The following AUTS2 variants were observed in gnomAD, a reference collection of about 807,000 sequenced individuals.
AUTS2 encodes the protein autism susceptibility gene 2 protein.
In AUTS2, 17 loss-of-function variants were observed where a neutral mutation model predicts 112.4. That is an observed-to-expected ratio of 0.15 (90% CI 0.10 to 0.23). AUTS2 has a LOEUF of 0.23. Ranked by LOEUF, AUTS2 falls within the 10% of genes least tolerant of loss-of-function variation. The pLI is 1.00. For missense variants in AUTS2, 1,510 were observed against 1,701.6 expected, an observed-to-expected ratio of 0.89 and a Z score of 1.98; for synonymous variants, 751 against 702.7, an observed-to-expected ratio of 1.07 and a Z score of -1.09.
chr7:69,844,025 A>C (rs1438439637), intron 1 of AUTS2, among the ~76,000 whole-genome samples: 1 of 152,140 alleles, frequency 6.6e-6, no homozygotes, highest in Non-Finnish European at 1.5e-5. Flanking sequence ...AATAAGGAAA[A>C]ATTCACATAC....
intron 2 of AUTS2, among the ~76,000 whole-genome samples, chr7:70,110,594 C>A (rs569783938): frequency 6.6e-6 from 1 of 152,214 alleles, no homozygotes; most frequent in Admixed American, 6.5e-5. Flanking sequence ...CACTGAACCC[C>A]TTTAAATAAT....
intron 5 of AUTS2, among the ~76,000 whole-genome samples, chr7:70,595,911 C>G (rs939288774): frequency 7.0e-4 from 106 of 152,184 alleles, no homozygotes; most frequent in African/African-American, 2.5e-3. Context: ...GCGGCCCTCC[C>G]CGCCCCGTGC....
intron 2 of AUTS2, among the ~76,000 whole-genome samples, chr7:69,952,558 A>C (rs1797067369): frequency 6.6e-6 from 1 of 152,136 alleles, no homozygotes; most frequent in African/African-American, 2.4e-5. Context: ...AAGTTGTGTG[A>C]CTTTGGGCAT....
At chr7:70,786,286 A>AAAGT (rs1198688499) in intron 17 of AUTS2, among the ~76,000 whole-genome samples, 25 of 152,330 alleles carry the variant, frequency 1.6e-4, no homozygotes, top group Admixed American at 9.1e-4. Context: ...ATGACCACAG[A>AAAGT]AAGTTTACTC....
chr7:70,499,228 G>A lies in AUTS2; in HGVS notation c.690+63447G>A, dbSNP rs371976665. Among the ~76,000 whole-genome samples the A allele has an allele frequency of 3.3e-5, 5 of 152,348 alleles. No homozygotes were observed. The South Asian group carries it at 1.0e-3, about 32-fold the overall frequency. On this transcript the variant is annotated intron_variant, in intron 5 of 18. Coordinates refer to ENST00000342771, the MANE Select transcript of AUTS2 (RefSeq NM_015570.4). ...GACATTGTGCTAAAGGGTCCCAGAG[G>A]AGGAATTGGGCCTGCTGAAGGGAAA...
In AUTS2 at chr7:70,732,090, A is replaced by T. The variant is rs1334486579; in HGVS notation, c.743-30780A>T. Among the ~76,000 whole-genome samples, 2 of 152,202 alleles carry T rather than the reference A, an allele frequency of 1.3e-5. 1 individual carries two copies. Among genetic ancestry groups the T allele is most frequent in the Middle Eastern group, 6.3e-3 (2 of 316 alleles). On this transcript the variant is annotated intron_variant, in intron 6 of 18. Coordinates refer to ENST00000342771, the MANE Select transcript of AUTS2 (RefSeq NM_015570.4). ...TGTCGGGTGTTGCATCTGAGTGAAA[A>T]AATTAATGTCTATAAGGGTATTTCC...
intron 5 of AUTS2, among the ~76,000 whole-genome samples, chr7:70,658,532 C>G (rs185505932): frequency 2.4e-4 from 36 of 152,364 alleles, no homozygotes; most frequent in Admixed American, 2.3e-3. Context: ...TTACCTCACA[C>G]AGACAAGAGC....
chr7:69,836,117 T>C (rs866253325), intron 1 of AUTS2, among the ~76,000 whole-genome samples: 1 of 152,236 alleles, frequency 6.6e-6, no homozygotes, highest in Non-Finnish European at 1.5e-5. Context: ...GTTCAAAAGA[T>C]TGTACACTTT....
chr7:69,982,160 T>C (rs180692586), intron 2 of AUTS2, among the ~76,000 whole-genome samples: 1 of 152,352 alleles, frequency 6.6e-6, no homozygotes, highest in East Asian at 1.9e-4. Flanking sequence ...TTGCTTTTTT[T>C]CCTAGAGAGG....
At chr7:70,168,968 G>A (rs1388454787) in intron 4 of AUTS2, among the ~76,000 whole-genome samples, 1 of 151,966 alleles carries the variant, frequency 6.6e-6, no homozygotes, top group Non-Finnish European at 1.5e-5. Context: ...AAAAAAATTG[G>A]TTTGCAGTCC....
chr7:70,351,926 C>G (rs969711765), intron 4 of AUTS2, among the ~76,000 whole-genome samples: 1 of 152,168 alleles, frequency 6.6e-6, no homozygotes, highest in African/African-American at 2.4e-5. Context: ...TGGTCTCGAA[C>G]TCCTGACCTC....
chr7:70,416,686 C>T (rs962696400), intron 4 of AUTS2, among the ~76,000 whole-genome samples: 3 of 152,250 alleles, frequency 2.0e-5, no homozygotes, highest in African/African-American at 7.2e-5. Context: ...TCGCCTACAA[C>T]CTCATCCCAG....
chr7:70,771,703 G>A, intron 11 of AUTS2, 59 bp downstream of exon 11: 1 of 1,500,388 alleles, frequency 6.7e-7, no homozygotes, highest in Middle Eastern at 2.0e-4. Context: ...CCCGGGCCAG[G>A]CGTGCAGGAA....
At chr7:70,122,026 GTAATATATAC>G (rs1360824967) in intron 3 of AUTS2, among the ~76,000 whole-genome samples, 1 of 152,146 alleles carries the variant, frequency 6.6e-6, no homozygotes. Context: ...GATTGGCATT[GTAATATATAC>G]TACAATATGG....
Position 69,677,955 on chromosome 7 carries a change from A to C in AUTS2, c.309+77993A>C, listed in dbSNP as rs572416630. 4.8e-4 allele frequency among the ~76,000 whole-genome samples: 73 copies of C among 152,294 alleles called. 1 individual carries two copies. The highest frequency in any genetic ancestry group is 1.7e-3 in the African/African-American group (71 of 41,564). On this transcript the variant is annotated intron_variant, in intron 1 of 18. Coordinates refer to ENST00000342771, the MANE Select transcript of AUTS2 (RefSeq NM_015570.4). ...CAGTAATTTAAACACAGGGACCTCT[A>C]CGAGTTCTCTGGAAAAGCCCATTTT... is the stretch of plus-strand genomic sequence containing the variant.
chr7:70,265,696 A>G (rs982115754), intron 4 of AUTS2, among the ~76,000 whole-genome samples: 1 of 152,226 alleles, frequency 6.6e-6, no homozygotes, highest in Non-Finnish European at 1.5e-5. Flanking sequence ...AGAAATATTA[A>G]TTCTTGACTG....
intron 13 of AUTS2, among the ~76,000 whole-genome samples, chr7:70,776,267 G>A (rs563267450): frequency 5.3e-5 from 8 of 152,308 alleles, no homozygotes; most frequent in East Asian, 1.9e-4. Context: ...CACTGAGCGC[G>A]CACGCCGAGC....
intron 4 of AUTS2, among the ~76,000 whole-genome samples, chr7:70,176,154 G>T (rs1808975369): frequency 6.6e-6 from 1 of 152,090 alleles, no homozygotes; most frequent in Non-Finnish European, 1.5e-5. Context: ...CCATAATGAG[G>T]TTTCATTAGG....
chr7:70,403,031 C>T (rs185824926), intron 4 of AUTS2, among the ~76,000 whole-genome samples: 19 of 152,238 alleles, frequency 1.2e-4, no homozygotes, highest in Middle Eastern at 3.4e-3. Context: ...AATACTGTTA[C>T]GAAGGTCTGT....
Sources: allele counts gnomAD v4.1 joint callset (sites outside exome capture counted in the v4.1 genomes callset), GRCh38; gene constraint gnomAD v4.1.1; transcripts MANE v1.5; gene names NCBI Gene and HGNC (gene_info 2026-07-23, HGNC 2026-07-21).